C4orf51: variants seen among roughly 807,000 people sequenced by gnomAD.
C4orf51 encodes the protein chromosome 4 open reading frame 51, also known as uncharacterized protein C4orf51.
C4orf51 carries 25 observed loss-of-function variants against 25.2 expected under a neutral mutation model. That is an observed-to-expected ratio of 0.99 (90% confidence interval 0.72 to 1.39). The LOEUF (loss-of-function observed/expected upper bound fraction) is 1.39. Among genes scored for constraint, C4orf51 ranks in the 40% most tolerant of loss-of-function variants. The probability of loss-of-function intolerance (pLI) is 0.00; values close to 1 mark genes in which losing one functional copy is unlikely to be tolerated. For missense variants in C4orf51, 252 were observed against 239.6 expected (o/e 1.05, Z -0.34); for synonymous variants, 100 against 84.5 (o/e 1.18, Z -1.01).
downstream of C4orf51, among the ~76,000 whole-genome samples, chr4:145,754,533 A>G (rs981368105): frequency 6.6e-6 from 1 of 152,208 alleles, no homozygotes; most frequent in Non-Finnish European, 1.5e-5. Flanking sequence ...CCATCTGGCA[A>G]ACCCCTAACT....
the C4orf51 span, among the ~76,000 whole-genome samples, chr4:145,788,079 C>T: frequency 6.6e-6 from 1 of 152,308 alleles, no homozygotes; most frequent in East Asian, 1.9e-4. Context: ...AGTCTGCCTG[C>T]TCCTCTAAGC....
intron 2 of C4orf51, among the ~76,000 whole-genome samples, chr4:145,716,339 A>G (rs927297503): frequency 2.0e-5 from 3 of 152,020 alleles, no homozygotes; most frequent in Non-Finnish European, 4.4e-5. Context: ...GGGAGGGGAG[A>G]CACACGTGCT....
intron 2 of C4orf51, 26 bp downstream of exon 2, chr4:145,696,658 G>A (rs993159686): frequency 6.4e-7 from 1 of 1,558,852 alleles, no homozygotes; most frequent in African/African-American, 1.4e-5. Context: ...TCAGTTTCTG[G>A]GCCCAGCCCT....
chr4:145,701,762 A>T (rs1200780729), intron 2 of C4orf51, among the ~76,000 whole-genome samples: 3 of 151,864 alleles, frequency 2.0e-5, no homozygotes, highest in Non-Finnish European at 4.4e-5. Context: ...CTAAACCTCT[A>T]AAAACTCCCC....
intron 1 of C4orf51, chr4:145,764,905 C>G: frequency 1.2e-6 from 2 of 1,600,804 alleles, no homozygotes; most frequent in Non-Finnish European, 1.7e-6. Flanking sequence ...CTCCCAAAAC[C>G]TTCACGGGAA....
chr4:145,726,918 C>T lies in C4orf51; in HGVS notation c.315C>T (p.Phe105=), dbSNP rs752508416. The change falls in exon 3 of 6, where the codon TTC becomes TTT. Residue 105 remains phenylalanine, a synonymous_variant. Coordinates refer to ENST00000438731, the MANE Select transcript of C4orf51 (RefSeq NM_001080531.3). ...CTCTTCATGTGCATGCAGGACTATT[C>T]CCTGATATAACCAGGCCCTTTAAAA... The part of the protein sequence containing the change: ...TQETTDIKGL[F]PDITRPFKKS... The T allele has an allele frequency of 1.3e-5, 21 of 1,612,610 alleles. No homozygotes were observed. In the Admixed American group the frequency reaches 3.0e-4, roughly 23 times the overall value.
At chr4:145,772,499 G>A (rs1369632448), downstream of C4orf51, among the ~76,000 whole-genome samples, 1 of 152,106 alleles carries the variant, frequency 6.6e-6, no homozygotes, top group African/African-American at 2.4e-5. Flanking sequence ...CAGTCCTTGG[G>A]CTCAAATGAG....
Position 145,727,058 on chromosome 4 carries a change from G to T in C4orf51, c.366+89G>T. On this transcript the variant is annotated intron_variant, in intron 3 of 5. Transcript: ENST00000438731. ...ATTATTCATTAAAAAAACAAAAGGG[G>T]TTAAATTTTTAAAAAACAATATTCA... is the stretch of plus-strand genomic sequence containing the variant. The T allele has an allele frequency of 2.8e-6, 3 of 1,054,502 alleles. No individual in the cohort carries two copies. In the South Asian group the frequency reaches 4.6e-5, roughly 16 times the overall value. 65.3% of individuals were successfully genotyped at this position (1,054,502 alleles called of 1,614,324 possible). A position where few individuals can be genotyped will look rare whatever the true frequency, so the allele number is the denominator to read the frequency against.
Position 145,696,581 on chromosome 4 carries a change from G to T in C4orf51, c.256G>T (p.Ala86Ser), listed in dbSNP as rs563115704. ...TAGGATGTCATTGACAAACAGTTCT[G>T]CCTGTCATCTTCTCTGCTGGGCTGG... The part of the protein sequence containing the change: ...CKQMSLTNSS[A>S]CHLLCWAGTQ... The change falls in exon 2 of 6, where the codon GCC becomes TCC. Residue 86 changes from alanine (A) to serine (S), a missense_variant. Physicochemically the swap from Ala to Ser is moderately conservative, Grantham distance 99 (BLOSUM62 1). Coordinates refer to ENST00000438731, the MANE Select transcript of C4orf51 (RefSeq NM_001080531.3). The T allele has an allele frequency of 5.9e-5, 96 of 1,613,544 alleles. 1 individual carries two copies. In the Admixed American group the frequency reaches 1.6e-3, roughly 27 times the overall value.
chr4:145,771,567 T>C (rs995146290), downstream of C4orf51, among the ~76,000 whole-genome samples: 1 of 152,202 alleles, frequency 6.6e-6, no homozygotes, highest in African/African-American at 2.4e-5. Context: ...TTTCCCCTTG[T>C]TGATATTCTC....
In C4orf51 at chr4:145,696,574, C is replaced by G. The variant is rs1318871463; in HGVS notation, c.249C>G (p.Asn83Lys). Residue 83 changes from asparagine to lysine, a missense_variant, in exon 2 of 6, where the codon AAC becomes AAG. Physicochemically the swap from Asn to Lys is moderately conservative, Grantham distance 94. Coordinates refer to ENST00000438731, the MANE Select transcript of C4orf51 (RefSeq NM_001080531.3). The stretch of plus-strand genomic sequence containing the variant: ...CTTTCCTTAGGATGTCATTGACAAA[C>G]AGTTCTGCCTGTCATCTTCTCTGCT... ...EPECKQMSLTNSSACHLLCWA... is the reference protein window; with the variant it reads ...EPECKQMSLTKSSACHLLCWA... 6.2e-7 allele frequency: 1 copy of G among 1,613,556 alleles called. No individual in the cohort carries two copies. The highest frequency in any genetic ancestry group is 1.3e-5 in the African/African-American group (1 of 75,024).
At chr4:145,718,213 G>A (rs538906903) in intron 2 of C4orf51, among the ~76,000 whole-genome samples, 22 of 152,220 alleles carry the variant, frequency 1.4e-4, no homozygotes, top group Non-Finnish European at 3.1e-4. Context: ...CTACAAGGAG[G>A]TGTTATGTGG....
intron 2 of C4orf51, among the ~76,000 whole-genome samples, chr4:145,721,872 G>T (rs1001849875): frequency 1.3e-5 from 2 of 152,192 alleles, no homozygotes; most frequent in South Asian, 4.1e-4. Flanking sequence ...TGAGATGGGC[G>T]GGAGTTACGT....
downstream of C4orf51, among the ~76,000 whole-genome samples, chr4:145,775,627 T>C (rs1178771043): frequency 1.3e-5 from 2 of 152,158 alleles, no homozygotes; most frequent in African/African-American, 2.4e-5. Context: ...GAGGAGTCTG[T>C]GCAACTGCAG....
chr4:145,777,692 T>C, the C4orf51 span, among the ~76,000 whole-genome samples: 1 of 152,222 alleles, frequency 6.6e-6, no homozygotes, highest in African/African-American at 2.4e-5. Flanking sequence ...ACAGGATTTA[T>C]CTATTTTATG....
the C4orf51 span, among the ~76,000 whole-genome samples, chr4:145,791,405 G>A: frequency 6.6e-6 from 1 of 152,172 alleles, no homozygotes; most frequent in Non-Finnish European, 1.5e-5. Context: ...GGATTTTAAT[G>A]TATGAATTGA....
chr4:145,788,224 A>G, the C4orf51 span, among the ~76,000 whole-genome samples: 1 of 152,208 alleles, frequency 6.6e-6, no homozygotes, highest in South Asian at 2.1e-4. Flanking sequence ...TTTGTATCGT[A>G]AAGAACTGTG....
downstream of C4orf51, among the ~76,000 whole-genome samples, chr4:145,733,075 A>G (rs962833065): frequency 6.6e-6 from 1 of 152,058 alleles, no homozygotes; most frequent in Non-Finnish European, 1.5e-5. Context: ...TCGCGAGCTC[A>G]GGGGCGGAGT....
rs1262686732 is a variant in C4orf51, at chr4:145,761,171, T to G, written n.167-9817T>G. The G allele has an allele frequency of 3.1e-6, 4 of 1,289,816 alleles. No homozygotes were observed. In the Middle Eastern group the frequency reaches 6.4e-4, roughly 206 times the overall value. 79.9% of individuals were successfully genotyped at this position (1,289,816 alleles called of 1,614,324 possible). A position where few individuals can be genotyped will look rare whatever the true frequency, so the allele number is the denominator to read the frequency against. ...TTGGGGGCTGGACACAGGCCCTTCT[T>G]GTCCTCCTCGGGGCAGTCCCCACTC... is the stretch of plus-strand genomic sequence containing the variant. On this transcript the variant is annotated intron_variant and non_coding_transcript_variant, in intron 1 of 1. Transcript: ENST00000510096. The surrounding 1 kb of genome is among the most constrained non-coding windows in gnomAD (Gnocchi z 6.8).
Sources: gnomAD v4.1 joint callset for allele counts (sites outside exome capture counted in the v4.1 genomes callset) on GRCh38, gnomAD v4.1.1 for gene constraint, Gnocchi (gnomAD v3.1) non-coding constraint, MANE v1.5 for transcripts, NCBI Gene and HGNC (gene_info 2026-07-23, HGNC 2026-07-21) for gene names.